The following ANKS1B variants were observed in gnomAD, a reference collection of about 807,000 sequenced individuals.
The protein encoded by ANKS1B is ankyrin repeat and sterile alpha motif domain containing 1B.
A neutral mutation model predicts 148.3 loss-of-function variants in ANKS1B; 36 were observed. That is an observed-to-expected ratio of 0.24 (90% confidence interval 0.19 to 0.32). The LOEUF (loss-of-function observed/expected upper bound fraction) is 0.32. Ranked by LOEUF, ANKS1B falls within the 10% of genes least tolerant of loss-of-function variation. ANKS1B has a pLI of 1.00. For missense variants in ANKS1B, 1,157 were observed against 1,542.6 expected, an observed-to-expected ratio of 0.75 and a Z score of 4.19; for synonymous variants, 542 against 560.8, an observed-to-expected ratio of 0.97 and a Z score of 0.47.
chr12:99,350,213 G>C (rs1411731845), intron 12 of ANKS1B, among the ~76,000 whole-genome samples: 1 of 151,960 alleles, frequency 6.6e-6, no homozygotes, highest in African/African-American at 2.4e-5. Flanking sequence ...AGATGTGCCT[G>C]CGTCCCCTTC....
intron 14 of ANKS1B, among the ~76,000 whole-genome samples, chr12:99,167,999 C>G (rs2077357795): frequency 6.6e-6 from 1 of 152,072 alleles, no homozygotes; most frequent in South Asian, 2.1e-4. Context: ...AGAGTATAAA[C>G]TTAAATATAG....
At chr12:99,316,356 C>G (rs529141040) in intron 12 of ANKS1B, among the ~76,000 whole-genome samples, 12 of 151,764 alleles carry the variant, frequency 7.9e-5, no homozygotes, top group South Asian at 6.2e-4. Context: ...TTTTAATGAT[C>G]GCCATTTTAA....
chr12:99,121,318 G>GGGGGGTGTGTGTGT (rs796549235), intron 15 of ANKS1B, among the ~76,000 whole-genome samples: 8 of 105,978 alleles, frequency 7.5e-5, no homozygotes, highest in East Asian at 5.1e-4. Context: ...TGTGTATGTA[G>GGGGGGTGTGTGTGT]GTATGTGTGT....
At chr12:99,757,106 T>C (rs916112146) in intron 8 of ANKS1B, among the ~76,000 whole-genome samples, 1 of 152,058 alleles carries the variant, frequency 6.6e-6, no homozygotes, top group Non-Finnish European at 1.5e-5. Context: ...AAATGGGATC[T>C]AATTAAACTA....
chr12:99,560,565 C>T (rs1567352018), intron 9 of ANKS1B, among the ~76,000 whole-genome samples: 1 of 152,032 alleles, frequency 6.6e-6, no homozygotes, highest in Non-Finnish European at 1.5e-5. Flanking sequence ...TAAAATAAGT[C>T]ACACAACTTT....
chr12:99,679,009 T>G (rs1029761150), intron 8 of ANKS1B, among the ~76,000 whole-genome samples: 1 of 152,198 alleles, frequency 6.6e-6, no homozygotes, highest in Non-Finnish European at 1.5e-5. Context: ...AAGAAAGAAC[T>G]CTTGAATTTT....
rs554229753 is a variant in ANKS1B at position 98,879,159 on chromosome 12, T to C, written c.2779-47023A>G. The stretch of plus-strand genomic sequence containing the variant: ...GCTTATGCCTAACTTTGGTGATGTA[T>C]TGACCTTTGTGGACCAAGGATGAAA... On this transcript the variant is annotated intron_variant, in intron 17 of 26. Coordinates refer to ENST00000683438, the MANE Select transcript of ANKS1B (RefSeq NM_001352186.2). Among the ~76,000 whole-genome samples the C allele has an allele frequency of 1.5e-3, 225 of 152,330 alleles. 2 individuals are homozygous for C. The highest frequency in any genetic ancestry group is 5.2e-3 in the African/African-American group (217 of 41,570).
At chr12:99,271,062 GT>G (rs1272612039) in intron 12 of ANKS1B, among the ~76,000 whole-genome samples, 5 of 152,192 alleles carry the variant, frequency 3.3e-5, no homozygotes, top group African/African-American at 9.7e-5. Context: ...CTTCTCTTCA[GT>G]TTCACAGAGT....
At chr12:98,772,101 A>G (rs2098593434) in intron 25 of ANKS1B, among the ~76,000 whole-genome samples, 1 of 152,190 alleles carries the variant, frequency 6.6e-6, no homozygotes. Flanking sequence ...GGAAGAATGA[A>G]AATATCGAAA....
chr12:99,381,991 A>G (rs914116720), intron 12 of ANKS1B, among the ~76,000 whole-genome samples: 5 of 152,236 alleles, frequency 3.3e-5, no homozygotes, highest in African/African-American at 1.2e-4. Flanking sequence ...AAAAGTCAGT[A>G]AATGAGAATC....
intron 8 of ANKS1B, among the ~76,000 whole-genome samples, chr12:99,668,023 T>C (rs759738432): frequency 1.3e-5 from 2 of 152,176 alleles, no homozygotes; most frequent in Non-Finnish European, 2.9e-5. Context: ...ATGTCTTTGT[T>C]ATCACAGTAA....
intron 11 of ANKS1B, among the ~76,000 whole-genome samples, chr12:99,443,460 C>T (rs943658114): frequency 6.6e-6 from 1 of 151,898 alleles, no homozygotes; most frequent in South Asian, 2.1e-4. Flanking sequence ...ATGTAACAGG[C>T]ACAATTCATT....
intron 1 of ANKS1B, among the ~76,000 whole-genome samples, chr12:99,929,056 A>G (rs565988491): frequency 1.3e-5 from 2 of 152,228 alleles, no homozygotes. Flanking sequence ...ATACAATTGC[A>G]GGAAATATTA....
At chr12:99,397,449 A>C (rs1023623639) in intron 12 of ANKS1B, among the ~76,000 whole-genome samples, 7 of 152,152 alleles carry the variant, frequency 4.6e-5, no homozygotes, top group Non-Finnish European at 7.4e-5. Context: ...CATTCTAGAA[A>C]GACGACAAGA....
In ANKS1B at chr12:98,745,038, A is replaced by C; in HGVS notation, c.*701T>G. On this transcript the variant is annotated 3_prime_UTR_variant, in exon 27 of 27. Coordinates refer to ENST00000683438, the MANE Select transcript of ANKS1B (RefSeq NM_001352186.2). ...AATGCATTAATGAAACATTCTTTTA[A>C]TAAAAATATTTAATACAAGACACAT... 2.3e-5 allele frequency: 23 copies of C among 985,070 alleles called. No individual in the cohort carries two copies. Among genetic ancestry groups the C allele is most frequent in the Non-Finnish European group, 2.7e-5 (22 of 829,206 alleles). 61.0% of individuals were successfully genotyped at this position (985,070 alleles called of 1,614,324 possible).
intron 19 of ANKS1B, among the ~76,000 whole-genome samples, chr12:98,817,513 T>A (rs1193706249): frequency 6.6e-6 from 1 of 152,250 alleles, no homozygotes; most frequent in Admixed American, 6.5e-5. Flanking sequence ...CAGGCCAGCA[T>A]CTGATTACTT....
At chr12:99,887,367 T>A (rs1212534274) in intron 1 of ANKS1B, among the ~76,000 whole-genome samples, 1 of 152,220 alleles carries the variant, frequency 6.6e-6, no homozygotes, top group Non-Finnish European at 1.5e-5. Flanking sequence ...TGAATACATG[T>A]TGAAATGACT....
At chr12:99,425,731 G>A (rs180688327) in intron 11 of ANKS1B, among the ~76,000 whole-genome samples, 1 of 151,376 alleles carries the variant, frequency 6.6e-6, no homozygotes, top group East Asian at 1.9e-4. Flanking sequence ...TCTTAAATTG[G>A]GTATTTATAT....
At chr12:98,998,590 T>C (rs2099931077) in intron 17 of ANKS1B, among the ~76,000 whole-genome samples, 1 of 152,172 alleles carries the variant, frequency 6.6e-6, no homozygotes, top group Non-Finnish European at 1.5e-5. Context: ...CTATGTGCCA[T>C]AAGGGCTTAG....
Sources: allele counts gnomAD v4.1 joint callset (sites outside exome capture counted in the v4.1 genomes callset), GRCh38; gene constraint gnomAD v4.1.1; transcripts MANE v1.5; gene names NCBI Gene and HGNC (gene_info 2026-07-23, HGNC 2026-07-21).